DACT1: variants seen among roughly 807,000 people sequenced by gnomAD.
DACT1 encodes the protein dapper homolog 1.
Under a neutral mutation model 35.3 loss-of-function variants are expected in DACT1, and 19 were observed. That is an observed-to-expected ratio of 0.54 (90% CI 0.38 to 0.79). The LOEUF is 0.79. Among genes scored for constraint, DACT1 ranks in the 30% least tolerant of loss-of-function variants. The pLI is 0.00. For missense variants in DACT1, 1,143 were observed against 1,057.5 expected (o/e 1.08, Z -1.12); for synonymous variants, 545 against 466.7 (o/e 1.17, Z -2.16).
Position 58,645,758 on chromosome 14 carries a change from A to C in DACT1, c.1024A>C (p.Arg342=). The change falls in exon 4 of 4, where the codon AGA becomes CGA. Residue 342 remains arginine, a synonymous_variant. Coordinates refer to ENST00000395153, the MANE Select transcript of DACT1 (RefSeq NM_001079520.2). ...TCTGAGGAACGGGAGCGTTTGTGTC[A>C]GAGCCCCGGGCGGTGTCTCACAGGG... ...GLLRNGSVCV[R]APGGVSQGNS... is the part of the protein sequence containing the mutation. 6.2e-7 allele frequency: 1 copy of C among 1,614,270 alleles called. No homozygotes were observed.
chr14:58,638,964 C>T, intron 1 of DACT1: 5 of 987,434 alleles, frequency 5.1e-6, no homozygotes, highest in Non-Finnish European at 6.0e-6. Context: ...CTCCTCCCGC[C>T]GAGAGGGGCC....
Position 58,646,642 on chromosome 14 carries a change from A to G in DACT1, c.1908A>G (p.Arg636=). ...EAVVAKPKHK[R]TDYRRWKSSA... is the part of the protein sequence containing the mutation. ...TGGTGGCCAAACCTAAGCACAAGCG[A>G]ACTGACTACCGGCGGTGGAAGTCCT... The change falls in exon 4 of 4, where the codon CGA becomes CGG. Residue 636 remains arginine (R), a synonymous_variant. Coordinates refer to ENST00000395153, the MANE Select transcript of DACT1 (RefSeq NM_001079520.2). 6.2e-7 allele frequency: 1 copy of G among 1,612,296 alleles called. No homozygotes were observed. The highest frequency in any genetic ancestry group is 1.1e-5 in the South Asian group (1 of 90,994).
At chr14:58,639,885 C>G (rs1331610954) in intron 1 of DACT1, among the ~76,000 whole-genome samples, 1 of 152,214 alleles carries the variant, frequency 6.6e-6, no homozygotes, top group East Asian at 1.9e-4. Flanking sequence ...TTGTTTTGTG[C>G]AATTGCACCT....
chr14:58,637,835 C>T (rs1459163106), upstream of DACT1, among the ~76,000 whole-genome samples: 2 of 150,662 alleles, frequency 1.3e-5, no homozygotes, highest in Non-Finnish European at 3.0e-5. Context: ...GGGGGCCGGG[C>T]GGCGCGCCTG....
Position 58,647,033 on chromosome 14 carries a change from C to G in DACT1, c.2299C>G (p.His767Asp). 6.2e-7 allele frequency: 1 copy of G among 1,614,194 alleles called. No homozygotes were observed. The change falls in exon 4 of 4, where the codon CAC becomes GAC. Residue 767 changes from histidine to aspartate, a missense_variant. By Grantham distance (81) the His-to-Asp change is moderately conservative (BLOSUM62 -1). Around this residue, in one of 3 missense-constraint regions of DACT1, gnomAD observed 1,054 missense variants for 958.8 expected, o/e 1.10. Transcript: ENST00000395153. ...GGTAACGGCCCCAGACCTTCACAAC[C>G]ACCCCGCAAAAACCTTTGTCAAAAT... is the stretch of plus-strand genomic sequence containing the variant. ...QTVTAPDLHN[H>D]PAKTFVKIKA...
rs144835291 is a variant in DACT1, at chr14:58,647,166, T to G, written c.*32T>G. 1,180 of 1,589,352 alleles carry G rather than the reference T, an allele frequency of 7.4e-4. 8 individuals carry two copies. In the African/African-American group the frequency reaches 0.013, roughly 18 times the overall value. On this transcript the variant is annotated 3_prime_UTR_variant, in exon 4 of 4. Coordinates refer to ENST00000395153, the MANE Select transcript of DACT1 (RefSeq NM_001079520.2). ...TCATTGGTGTAGAAAGTTTGTGTGTTTTTTTTTCTTCTCCCTAGTTGCCAA... is the reference window on the plus strand; with the variant it reads ...TCATTGGTGTAGAAAGTTTGTGTGTGTTTTTTTCTTCTCCCTAGTTGCCAA...
chr14:58,639,356 T>A, intron 1 of DACT1: 1 of 762,848 alleles, frequency 1.3e-6, no homozygotes. Context: ...TAGCTTAATG[T>A]ATTGATGAAC....
intron 1 of DACT1, among the ~76,000 whole-genome samples, chr14:58,639,855 CTGG>C (rs1212313842): frequency 6.6e-6 from 1 of 152,232 alleles, no homozygotes; most frequent in African/African-American, 2.4e-5. Context: ...CTGGTTATGG[CTGG>C]TGACTTTTAC....
upstream of DACT1, among the ~76,000 whole-genome samples, chr14:58,637,646 T>C (rs935566167): frequency 1.3e-5 from 2 of 152,122 alleles, no homozygotes; most frequent in African/African-American, 4.8e-5. Flanking sequence ...AACAGGATGC[T>C]GGGGCTCCAG....
chr14:58,638,670 C>G (rs1009583459), intron 1 of DACT1, 123 bp downstream of exon 1: 16 of 1,218,298 alleles, frequency 1.3e-5, no homozygotes, highest in African/African-American at 1.1e-4. Flanking sequence ...ATGGGACGCC[C>G]CCGACCGCCC....
At chr14:58,634,348 A>C (rs749608906), upstream of DACT1, among the ~76,000 whole-genome samples, 7 of 152,158 alleles carry the variant, frequency 4.6e-5, no homozygotes, top group African/African-American at 7.2e-5. Flanking sequence ...AAGATGTTTA[A>C]AATTTTCAGG....
chr14:58,646,534 G>A lies in DACT1; in HGVS notation c.1800G>A (p.Gly600=), dbSNP rs761920119. Residue 600 remains glycine (G), a synonymous_variant, in exon 4 of 4, where the codon GGG becomes GGA. Transcript: ENST00000395153. ...CCAAGGGGAGGAAGAGTGGGGGCGGGCCCGAGGCTGGTGTTCCCGGCAGGC... is the reference window on the plus strand; with the variant it reads ...CCAAGGGGAGGAAGAGTGGGGGCGGACCCGAGGCTGGTGTTCCCGGCAGGC... ...ASSKGRKSGG[G]PEAGVPGRPA... 3 of 1,555,694 alleles carry A rather than the reference G, an allele frequency of 1.9e-6. No homozygotes were observed. The highest frequency in any genetic ancestry group is 4.8e-5 in the East Asian group (2 of 41,962).
upstream of DACT1, among the ~76,000 whole-genome samples, chr14:58,636,990 G>A (rs1226982837): frequency 6.6e-6 from 1 of 152,172 alleles, no homozygotes; most frequent in Non-Finnish European, 1.5e-5. Context: ...CACGTTGTAA[G>A]TGCACAGCCC....
chr14:58,645,913 C>A lies in DACT1; in HGVS notation c.1179C>A (p.Ser393Arg). 1 of 1,614,194 alleles carries A rather than the reference C, an allele frequency of 6.2e-7. No homozygotes were observed. The highest frequency in any genetic ancestry group is 1.1e-5 in the South Asian group (1 of 91,086). Reference protein sequence around the residue: ...SKESKAEQAESKRVPLPEGCP... With the variant: ...SKESKAEQAERKRVPLPEGCP... ...AATCAAAGGCCGAACAAGCCGAAAG[C>A]AAGAGGGTGCCCCTGCCAGAGGGCT... Residue 393 changes from serine (S) to arginine (R), a missense_variant, in exon 4 of 4, where the codon AGC becomes AGA. Physicochemically the swap from Ser to Arg is moderately radical, Grantham distance 110. Around this residue, in one of 3 missense-constraint regions of DACT1, gnomAD observed 1,054 missense variants for 958.8 expected, o/e 1.10. Coordinates refer to ENST00000395153, the MANE Select transcript of DACT1 (RefSeq NM_001079520.2).
At chr14:58,635,282 G>A (rs1276300461), upstream of DACT1, among the ~76,000 whole-genome samples, 1 of 152,126 alleles carries the variant, frequency 6.6e-6, no homozygotes, top group Non-Finnish European at 1.5e-5. Flanking sequence ...GAATCAAAGA[G>A]GAAAGAAAAT....
intron 1 of DACT1, chr14:58,639,173 G>A (rs2047604578): frequency 2.0e-6 from 2 of 985,232 alleles, no homozygotes. Flanking sequence ...TGGAAATTTG[G>A]CTGGAGACTG....
Position 58,640,895 on chromosome 14 carries a change from T to C in DACT1, c.478+27T>C, listed in dbSNP as rs760500974. 1.2e-5 allele frequency: 20 copies of C among 1,613,602 alleles called. No homozygotes were observed. The Admixed American group carries it at 3.0e-4, about 24-fold the overall frequency. On this transcript the variant is annotated intron_variant, in intron 2 of 3. Coordinates refer to ENST00000395153, the MANE Select transcript of DACT1 (RefSeq NM_001079520.2). ...TGAGTGATTGAGCACAAGGACAGAATTCTGCACTCTTGAGTTGTATCTCAG... is the reference window on the plus strand; with the variant it reads ...TGAGTGATTGAGCACAAGGACAGAACTCTGCACTCTTGAGTTGTATCTCAG...
rs2140211010 is a variant in DACT1 at position 58,638,319 on chromosome 14, C to T, written c.117C>T (p.Thr39=). The T allele has an allele frequency of 7.5e-7, 1 of 1,324,998 alleles. No homozygotes were observed. The highest frequency in any genetic ancestry group is 9.6e-7 in the Non-Finnish European group (1 of 1,043,112). 82.1% of individuals were successfully genotyped at this position (1,324,998 alleles called of 1,614,324 possible). A position where few individuals can be genotyped will look rare whatever the true frequency, so the allele number is the denominator to read the frequency against. The change falls in exon 1 of 4, where the codon ACC becomes ACT. Residue 39 remains threonine, a synonymous_variant. Transcript: ENST00000395153. ...GGCGGGAGAAGGGCGAGGCAGACAC[C>T]GAGCGGCAGCGCACCCGGGAGCGGC... ...GRWREKGEAD[T]ERQRTRERQE... is the part of the protein sequence containing the mutation.
intron 3 of DACT1, among the ~76,000 whole-genome samples, chr14:58,644,907 G>A (rs1373207492): frequency 6.6e-6 from 1 of 152,126 alleles, no homozygotes; most frequent in Non-Finnish European, 1.5e-5. Flanking sequence ...CATCTCAGAT[G>A]TTTTTTCTTT....
Sources: gnomAD v4.1 joint callset for allele counts (sites outside exome capture counted in the v4.1 genomes callset) on GRCh38, gnomAD v4.1.1 for gene constraint, gnomAD v4.1.1 regional missense constraint, MANE v1.5 for transcripts, NCBI Gene and HGNC (gene_info 2026-07-23, HGNC 2026-07-21) for gene names.